The following KIF2A variants were observed in gnomAD, a reference collection of about 807,000 sequenced individuals.
KIF2A encodes kinesin family member 2A.
Under a neutral mutation model 100.2 loss-of-function variants are expected in KIF2A, and 22 were observed. That is an observed-to-expected ratio of 0.22 (90% CI 0.16 to 0.31). The LOEUF is 0.31. Among genes scored for constraint, KIF2A ranks in the 10% least tolerant of loss-of-function variants. The pLI, the probability that KIF2A is intolerant of heterozygous loss-of-function variation, is 1.00. For synonymous variants in KIF2A, 268 were observed against 285.9 expected, an observed-to-expected ratio of 0.94 and a Z score of 0.63; for missense variants, 495 against 898.7, an observed-to-expected ratio of 0.55 and a Z score of 5.74.
intron 16 of KIF2A, among the ~76,000 whole-genome samples, chr5:62,371,375 AAGAC>A (rs1348062697): frequency 6.6e-6 from 1 of 152,246 alleles, no homozygotes; most frequent in Non-Finnish European, 1.5e-5. Context: ...AGGTCAAAGA[AAGAC>A]TGTTAGTAGA....
intron 1 of KIF2A, among the ~76,000 whole-genome samples, chr5:62,314,769 T>TG (rs1211451819): frequency 6.8e-6 from 1 of 147,622 alleles, no homozygotes; most frequent in African/African-American, 2.5e-5. Flanking sequence ...TTTTTTTTTT[T>TG]TTTTTTTTTT....
chr5:62,364,499 T>C (rs753971401), intron 14 of KIF2A, among the ~76,000 whole-genome samples: 1 of 152,132 alleles, frequency 6.6e-6, no homozygotes, highest in Non-Finnish European at 1.5e-5. Context: ...AACCACTGAA[T>C]TGAGCTAAGA....
intron 1 of KIF2A, among the ~76,000 whole-genome samples, chr5:62,346,873 C>T (rs999882604): frequency 2.0e-5 from 3 of 152,164 alleles, no homozygotes; most frequent in African/African-American, 7.2e-5. Context: ...CACTGTGTGA[C>T]CATTTATCAT....
intron 19 of KIF2A, among the ~76,000 whole-genome samples, chr5:62,378,637 G>T (rs1369629339): frequency 6.6e-6 from 1 of 152,172 alleles, no homozygotes; most frequent in Non-Finnish European, 1.5e-5. Flanking sequence ...TTAGAGTTTG[G>T]CCAGGCGCAG....
At position 62,373,741 on chromosome 5, in the gene KIF2A, G is replaced by A. The variant is rs773766669; in HGVS notation, c.1815G>A (p.Met605Ile). The A allele has an allele frequency of 1.9e-6, 3 of 1,613,282 alleles. No homozygotes were observed. The South Asian group carries it at 3.3e-5, about 18-fold the overall frequency. ...PTAAGDVRPI[M>I]HHPPNQIDDL... ...CTGCTGGTGATGTTCGTCCAATAAT[G>A]CACCATCCACCAAACCAGATTGATG... The change falls in exon 18 of 21, where the codon ATG becomes ATA. Residue 605 changes from methionine (M) to isoleucine (I), a missense_variant. Physicochemically the swap from Met to Ile is conservative, Grantham distance 10 (BLOSUM62 1). Transcript: ENST00000407818.
chr5:62,324,158 G>C (rs1435741239), intron 1 of KIF2A, among the ~76,000 whole-genome samples: 2 of 152,092 alleles, frequency 1.3e-5, no homozygotes, highest in Non-Finnish European at 2.9e-5. Context: ...AGCTAACCAA[G>C]GAAGCGAAAG....
intron 1 of KIF2A, among the ~76,000 whole-genome samples, chr5:62,316,511 A>T (rs1255084743): frequency 6.6e-6 from 1 of 152,240 alleles, no homozygotes; most frequent in Non-Finnish European, 1.5e-5. Flanking sequence ...ACTTAAAAAG[A>T]GGTAAGCAAG....
At chr5:62,357,371 AT>A (rs763063171) in intron 7 of KIF2A, among the ~76,000 whole-genome samples, 325 of 152,318 alleles carry the variant, frequency 2.1e-3, no homozygotes, top group Middle Eastern at 6.8e-3. Flanking sequence ...GGAATGAGCC[AT>A]CATGCCCGGC....
intron 1 of KIF2A, among the ~76,000 whole-genome samples, chr5:62,329,069 G>A (rs1746514862): frequency 6.6e-6 from 1 of 152,014 alleles, no homozygotes; most frequent in Admixed American, 6.6e-5. Flanking sequence ...AATTTGTCCC[G>A]TTTTTAAGTT....
At chr5:62,369,488 C>G (rs1227521372) in intron 16 of KIF2A, among the ~76,000 whole-genome samples, 1 of 152,158 alleles carries the variant, frequency 6.6e-6, no homozygotes, top group Non-Finnish European at 1.5e-5. Context: ...GTTACCTCCA[C>G]GTGGTCTCTC....
chr5:62,323,181 G>A (rs1221480138), intron 1 of KIF2A, among the ~76,000 whole-genome samples: 16 of 150,986 alleles, frequency 1.1e-4, no homozygotes, highest in African/African-American at 3.4e-4. Flanking sequence ...GCTTGAACCC[G>A]TGAGGTGGAG....
chr5:62,377,515 CT>C (rs1184930669), intron 18 of KIF2A, 145 bp from the exon 19 acceptor site: 2 of 420,152 alleles, frequency 4.8e-6, no homozygotes, highest in African/African-American at 4.1e-5. Flanking sequence ...GAAATCGTGG[CT>C]TTGCCTTTTA....
At chr5:62,337,212 C>G (rs1261575373) in intron 1 of KIF2A, among the ~76,000 whole-genome samples, 1 of 152,112 alleles carries the variant, frequency 6.6e-6, no homozygotes, top group South Asian at 2.1e-4. Context: ...GTATAACCAG[C>G]CGGGCACGGT....
chr5:62,351,550 TGTGGATG>T (rs1307713390), intron 4 of KIF2A, among the ~76,000 whole-genome samples: 2 of 152,226 alleles, frequency 1.3e-5, no homozygotes, highest in African/African-American at 4.8e-5. Flanking sequence ...TTTCTCTGTG[TGTGGATG>T]GTAGAACAGG....
intron 1 of KIF2A, among the ~76,000 whole-genome samples, chr5:62,326,334 T>C (rs902088626): frequency 6.6e-6 from 1 of 152,156 alleles, no homozygotes; most frequent in African/African-American, 2.4e-5. Flanking sequence ...ATCTTATTGA[T>C]AATGCCAGCT....
At chr5:62,307,456 T>G (rs935064403) in intron 1 of KIF2A, among the ~76,000 whole-genome samples, 1 of 151,682 alleles carries the variant, frequency 6.6e-6, no homozygotes, top group Non-Finnish European at 1.5e-5. Context: ...TAGCTTGGGG[T>G]GTGGAGTGAG....
intron 1 of KIF2A, among the ~76,000 whole-genome samples, chr5:62,337,438 G>A (rs1747024128): frequency 6.6e-6 from 1 of 150,494 alleles, no homozygotes; most frequent in Non-Finnish European, 1.5e-5. Flanking sequence ...GTTGCAGTGA[G>A]CCGAGATCAC....
At position 62,336,836 on chromosome 5, in the gene KIF2A, C is replaced by T. The variant is rs1298718676; in HGVS notation, c.65-10294C>T. 2.0e-5 allele frequency among the ~76,000 whole-genome samples: 3 copies of T among 152,114 alleles called. No homozygotes were observed. The East Asian group carries it at 5.8e-4, about 29-fold the overall frequency. On this transcript the variant is annotated intron_variant, in intron 1 of 20. Coordinates refer to ENST00000407818, the MANE Select transcript of KIF2A (RefSeq NM_001098511.3). ...CCTAATAAAAAAGACTCAACGAAGT[C>T]AGGTTTATTCTTGGAAAAGACAAAT...
Position 62,390,776 on chromosome 5 carries a change from C to T in KIF2A, c.*5207C>T, listed in dbSNP as rs540502594. On this transcript the variant is annotated 3_prime_UTR_variant, in exon 21 of 21. Coordinates refer to ENST00000407818, the MANE Select transcript of KIF2A (RefSeq NM_001098511.3). ...TGGAAGTGCTATGCAATAACTCTCC[C>T]AGGTAGCACCTTATACCGCTTAAAA... 3.2e-6 allele frequency: 3 copies of T among 941,252 alleles called. No individual in the cohort carries two copies. The South Asian group carries it at 4.1e-5, about 13-fold the overall frequency. The allele number at this position is 941,252 out of a possible 1,614,324, so 58.3% of individuals were successfully genotyped here.
Sources: allele counts gnomAD v4.1 joint callset (sites outside exome capture counted in the v4.1 genomes callset), GRCh38; gene constraint gnomAD v4.1.1; transcripts MANE v1.5; gene names NCBI Gene and HGNC (gene_info 2026-07-23, HGNC 2026-07-21).